USE1: variants seen among roughly 807,000 people sequenced by gnomAD.
USE1 encodes vesicle transport protein USE1.
In USE1, 32 loss-of-function variants were observed where a neutral mutation model predicts 37.6. The observed-to-expected ratio is 0.85, with a 90% CI of 0.64 to 1.14. The LOEUF is 1.14. Ranked by LOEUF, USE1 falls within the 50% of genes most tolerant of loss-of-function variation. The pLI, the probability that USE1 is intolerant of heterozygous loss-of-function variation, is 0.00. For missense variants in USE1, 310 were observed against 332.2 expected, an observed-to-expected ratio of 0.93 and a Z score of 0.52; for synonymous variants, 149 against 137.6, an observed-to-expected ratio of 1.08 and a Z score of -0.58.
intron 5 of USE1, chr19:17,217,757 C>A (rs1352347394): frequency 4.3e-6 from 2 of 459,782 alleles, no homozygotes; most frequent in African/African-American, 2.0e-5. Flanking sequence ...ACTAAAAATA[C>A]AAAACTTAGC....
At chr19:17,218,960 C>G in intron 6 of USE1, 1 of 315,384 alleles carries the variant, frequency 3.2e-6, no homozygotes, top group Non-Finnish European at 5.7e-6. Context: ...AACCCTGTCT[C>G]TACTAAAAAT....
chr19:17,216,088 TG>T lies in USE1; in HGVS notation c.231+19del, dbSNP rs2073288332. 4 of 1,613,152 alleles carry T rather than the reference TG, an allele frequency of 2.5e-6. No homozygotes were observed. The highest frequency in any genetic ancestry group is 3.4e-6 in the Non-Finnish European group (4 of 1,179,704). On this transcript the variant is annotated intron_variant, in intron 3 of 7. Coordinates refer to ENST00000263897, the MANE Select transcript of USE1 (RefSeq NM_018467.4). ...AGAAGCTGGTGAGAAGGGGTGCCCC[TG>T]CCCCCTCAGCCCCCATCACCGCTCA...
chr19:17,217,557 T>A (rs1316812449), intron 5 of USE1, 95 bp downstream of exon 5: 6 of 1,519,020 alleles, frequency 3.9e-6, no homozygotes, highest in East Asian at 2.4e-5. Flanking sequence ...CGAGACTCCA[T>A]GCCCTGACTC....
At chr19:17,215,623 C>T (rs2145543343) in intron 1 of USE1, 116 bp downstream of exon 1, 1 of 1,379,708 alleles carries the variant, frequency 7.2e-7, no homozygotes, top group Non-Finnish European at 9.8e-7. Flanking sequence ...GCGCCCTTTC[C>T]GGTCAGTCCC....
At chr19:17,218,506 A>G in intron 6 of USE1, 115 bp downstream of exon 6, 5 of 1,355,544 alleles carry the variant, frequency 3.7e-6, no homozygotes, top group Non-Finnish European at 4.0e-6. Flanking sequence ...TAAACCAACC[A>G]GAAGCCACTT....
At chr19:17,218,237 C>A in intron 5 of USE1, 127 bp from the exon 6 acceptor site, 2 of 1,346,508 alleles carry the variant, frequency 1.5e-6, no homozygotes, top group Non-Finnish European at 2.1e-6. Flanking sequence ...TGGTCAGAAG[C>A]CAACGGGGCA....
rs759192337 is a variant in USE1 at position 17,215,416 on chromosome 19, C to CGAGGCTGGAGCT, written c.12_23dup (p.Arg5_Leu8dup). 45 of 1,558,366 alleles carry CGAGGCTGGAGCT rather than the reference C, an allele frequency of 2.9e-5. No individual in the cohort carries two copies. The highest frequency in any genetic ancestry group is 3.9e-5 in the Non-Finnish European group (45 of 1,152,622). ...TAGGGCCGGGCGATAATGGCGGCGT[C>CGAGGCTGGAGCT]GAGGCTGGAGCTAAACCTGGTGCGG... On this transcript the variant is annotated inframe_insertion, in exon 1 of 8. Coordinates refer to ENST00000263897, the MANE Select transcript of USE1 (RefSeq NM_018467.4).
intron 1 of USE1, 60 bp from the exon 2 acceptor site, chr19:17,215,742 G>T: frequency 1.2e-6 from 1 of 815,812 alleles, no homozygotes. Flanking sequence ...CCGCCCCCCC[G>T]ACTCCCATGA....
At position 17,215,376 on chromosome 19, in the gene USE1, G is replaced by A; in HGVS notation, c.-30G>A. ...TCCGCCCTCTCTTAACATGGAGCCG[G>A]CGGAAGGGGTGGTGTAGGGCCGGGC... is the stretch of plus-strand genomic sequence containing the variant. On this transcript the variant is annotated 5_prime_UTR_variant, in exon 1 of 8. Coordinates refer to ENST00000263897, the MANE Select transcript of USE1 (RefSeq NM_018467.4). The A allele has an allele frequency of 6.5e-7, 1 of 1,546,844 alleles. No homozygotes were observed. Among genetic ancestry groups the A allele is most frequent in the Non-Finnish European group, 8.7e-7 (1 of 1,146,394 alleles).
At chr19:17,215,951 G>T in intron 2 of USE1, 41 bp from the exon 3 acceptor site, 1 of 1,583,552 alleles carries the variant, frequency 6.3e-7, no homozygotes, top group South Asian at 1.1e-5. Flanking sequence ...CTGAGCTGGG[G>T]ACCATGGACA....
chr19:17,216,410 A>C (rs2073291271), intron 4 of USE1, 89 bp downstream of exon 4: 1 of 1,539,426 alleles, frequency 6.5e-7, no homozygotes, highest in Non-Finnish European at 8.8e-7. Flanking sequence ...ATACTGTCAG[A>C]TACAGGAACC....
chr19:17,217,855 T>C, intron 5 of USE1: 3 of 368,344 alleles, frequency 8.1e-6, no homozygotes, highest in South Asian at 6.0e-5. Flanking sequence ...GAGGTTGCAA[T>C]GAGCTGAGAT....
At position 17,215,590 on chromosome 19, in the gene USE1, C is replaced by T; in HGVS notation, c.102+83C>T. The T allele has an allele frequency of 2.0e-6, 3 of 1,481,374 alleles. No individual in the cohort carries two copies. The South Asian group carries it at 3.8e-5, about 19-fold the overall frequency. 91.8% of individuals were successfully genotyped at this position (1,481,374 alleles called of 1,614,324 possible). A position where few individuals can be genotyped will look rare whatever the true frequency, so the allele number is the denominator to read the frequency against. ...TTGGAAGCCACCTGGCCCGACTCCCCGGCCCCAGTAGCCTCTCGGGCAGCG... is the reference window on the plus strand; with the variant it reads ...TTGGAAGCCACCTGGCCCGACTCCCTGGCCCCAGTAGCCTCTCGGGCAGCG... On this transcript the variant is annotated intron_variant, in intron 1 of 7. Transcript: ENST00000263897.
rs1439009783 is a variant in USE1 at position 17,219,406 on chromosome 19, C to G, written c.597+19C>G. On this transcript the variant is annotated intron_variant, in intron 7 of 7. Transcript: ENST00000263897. Reference sequence around the variant, plus strand: ...CAACCAGGTGTGGGGACTGGGGGAGCTCTCCAGCCTCTGCCCTGGGGCATC... The same window carrying G: ...CAACCAGGTGTGGGGACTGGGGGAGGTCTCCAGCCTCTGCCCTGGGGCATC... 6.5e-7 allele frequency: 1 copy of G among 1,544,072 alleles called. No individual in the cohort carries two copies.
At chr19:17,215,701 C>A (rs2073284697) in intron 1 of USE1, 101 bp from the exon 2 acceptor site, 4 of 1,195,268 alleles carry the variant, frequency 3.3e-6, no homozygotes, top group Non-Finnish European at 4.7e-6. Context: ...GCCCCGCCTC[C>A]TTTACGCTTG....
intron 1 of USE1, 106 bp downstream of exon 1, chr19:17,215,613 G>A (rs999936834): frequency 2.1e-6 from 3 of 1,427,732 alleles, no homozygotes; most frequent in African/African-American, 2.8e-5. Flanking sequence ...CTCTCGGGCA[G>A]CGCCCTTTCC....
intron 4 of USE1, 33 bp downstream of exon 4, chr19:17,216,354 T>A (rs767905780): frequency 3.1e-6 from 5 of 1,601,128 alleles, no homozygotes; most frequent in Non-Finnish European, 3.4e-6. Context: ...TGGGAATCCC[T>A]TGGACAGGAA....
At chr19:17,217,665 A>T (rs1459678544) in intron 5 of USE1, 1 of 741,306 alleles carries the variant, frequency 1.3e-6, no homozygotes, top group Non-Finnish European at 2.2e-6. Context: ...TCACACCTGT[A>T]ATTTCGGAGG....
Position 17,219,620 on chromosome 19 carries a change from C to A in USE1, c.598-11C>A. ...CCAGTCCTGTTGACACCTTTTCCAC[C>A]TCCCCCACAGACCCTGTCACACTCA... is the stretch of plus-strand genomic sequence containing the variant. On this transcript the variant is annotated splice_polypyrimidine_tract_variant and intron_variant, in intron 7 of 7. Coordinates refer to ENST00000263897, the MANE Select transcript of USE1 (RefSeq NM_018467.4). 1 of 1,590,090 alleles carries A rather than the reference C, an allele frequency of 6.3e-7. No individual in the cohort carries two copies. The highest frequency in any genetic ancestry group is 8.6e-7 in the Non-Finnish European group (1 of 1,163,958).
Sources: allele counts gnomAD v4.1 joint callset, GRCh38; gene constraint gnomAD v4.1.1; transcripts MANE v1.5; gene names NCBI Gene and HGNC (gene_info 2026-07-23, HGNC 2026-07-21).